The following SLC17A3 variants were observed in gnomAD, a reference collection of about 807,000 sequenced individuals.
SLC17A3 encodes the protein sodium-dependent phosphate transport protein 4.
SLC17A3 carries 61 observed loss-of-function variants against 60.3 expected under a neutral mutation model. The observed-to-expected ratio is 1.01, with a 90% confidence interval of 0.82 to 1.25. The LOEUF is 1.25. SLC17A3 is among the 50% of genes most tolerant of loss of function. The probability of loss-of-function intolerance (pLI) is 0.00; values close to 1 mark genes in which losing one functional copy is unlikely to be tolerated. For missense variants in SLC17A3, 624 were observed against 594.9 expected, an observed-to-expected ratio of 1.05 and a Z score of -0.51; for synonymous variants, 192 against 208.9, an observed-to-expected ratio of 0.92 and a Z score of 0.70.
chr6:25,856,573 C>A (rs994028836), intron 5 of SLC17A3, among the ~76,000 whole-genome samples: 1 of 152,134 alleles, frequency 6.6e-6, no homozygotes, highest in Non-Finnish European at 1.5e-5. Flanking sequence ...TCTGGCCGGG[C>A]GCAGTGGCTC....
intron 5 of SLC17A3, among the ~76,000 whole-genome samples, chr6:25,858,447 G>A (rs1357649423): frequency 6.6e-6 from 1 of 152,060 alleles, no homozygotes; most frequent in Non-Finnish European, 1.5e-5. Flanking sequence ...TGGTACAGTT[G>A]GCCTCTGACT....
At chr6:25,868,721 A>G (rs1044129892) in intron 1 of SLC17A3, among the ~76,000 whole-genome samples, 1 of 151,960 alleles carries the variant, frequency 6.6e-6, no homozygotes, top group African/African-American at 2.4e-5. Flanking sequence ...TGCCACTAGG[A>G]GCACATTTGT....
intron 1 of SLC17A3, among the ~76,000 whole-genome samples, chr6:25,873,099 G>A (rs1033337645): frequency 6.6e-6 from 1 of 151,964 alleles, no homozygotes; most frequent in African/African-American, 2.4e-5. Context: ...TATAACTAGA[G>A]GAAAGAGAAG....
intron 5 of SLC17A3, among the ~76,000 whole-genome samples, chr6:25,860,293 C>T (rs1222129557): frequency 1.4e-5 from 2 of 141,356 alleles, no homozygotes; most frequent in Non-Finnish European, 3.1e-5. Context: ...TTCTAGGCTC[C>T]CTTAGAAGAC....
At chr6:25,856,257 G>T (rs1765354958) in intron 5 of SLC17A3, among the ~76,000 whole-genome samples, 1 of 152,064 alleles carries the variant, frequency 6.6e-6, no homozygotes, top group African/African-American at 2.4e-5. Flanking sequence ...TTGAGACAGA[G>T]TCTTGCTCTG....
chr6:25,864,772 G>A (rs943442369), intron 2 of SLC17A3, among the ~76,000 whole-genome samples: 1 of 151,990 alleles, frequency 6.6e-6, no homozygotes, highest in Non-Finnish European at 1.5e-5. Context: ...AGTAGGAGTT[G>A]AGGCATAACA....
At chr6:25,859,131 T>C (rs1214500291) in intron 5 of SLC17A3, among the ~76,000 whole-genome samples, 1 of 152,188 alleles carries the variant, frequency 6.6e-6, no homozygotes, top group African/African-American at 2.4e-5. Context: ...TTGAGAGATA[T>C]GGATAGATGA....
intron 2 of SLC17A3, among the ~76,000 whole-genome samples, chr6:25,864,590 C>G (rs13211947): frequency 6.6e-6 from 1 of 151,320 alleles, no homozygotes; most frequent in Non-Finnish European, 1.5e-5. Flanking sequence ...TTCTAAACAA[C>G]AAGAAGAATG....
intron 2 of SLC17A3, among the ~76,000 whole-genome samples, chr6:25,864,079 C>G (rs1765495978): frequency 6.6e-6 from 1 of 151,932 alleles, no homozygotes; most frequent in African/African-American, 2.4e-5. Context: ...TCATGCTGAC[C>G]TCTGGGGAAA....
intron 6 of SLC17A3, among the ~76,000 whole-genome samples, chr6:25,853,613 T>C (rs1369570804): frequency 6.6e-6 from 1 of 151,738 alleles, no homozygotes; most frequent in African/African-American, 2.4e-5. Context: ...ACAGAAGGAG[T>C]TTCACCGTGT....
At position 25,845,418 on chromosome 6, in the gene SLC17A3, T is replaced by G; in HGVS notation, c.1461A>C (p.Gln487His). The stretch of plus-strand genomic sequence containing the variant: ...TGAGTTTTCTCTCTTTAGCCCATTC[T>G]TGGACATCTGCTTCTCCAAATATGA... ...FYLIFGEADV[Q>H]EWAKERKLTR... Residue 487 changes from glutamine (Q) to histidine (H), a missense_variant, in exon 12 of 13, where the codon CAA (glutamine) becomes CAC (histidine). By Grantham distance (24) the Gln-to-His change is conservative. Coordinates refer to ENST00000397060, the MANE Select transcript of SLC17A3 (RefSeq NM_001098486.2). 2 of 1,614,070 alleles carry G rather than the reference T, an allele frequency of 1.2e-6. No homozygotes were observed. Among genetic ancestry groups the G allele is most frequent in the South Asian group, 2.2e-5 (2 of 91,084 alleles).
chr6:25,850,927 G>T, intron 6 of SLC17A3, 50 bp from the exon 7 acceptor site: 1 of 1,327,760 alleles, frequency 7.5e-7, no homozygotes, highest in Non-Finnish European at 1.1e-6. Flanking sequence ...TGCTTTTTGG[G>T]TGAACTTCTT....
chr6:25,872,823 C>A (rs966951515), intron 1 of SLC17A3, among the ~76,000 whole-genome samples: 1 of 151,892 alleles, frequency 6.6e-6, no homozygotes, highest in Admixed American at 6.6e-5. Flanking sequence ...GATTCCATAC[C>A]GATCTTCCCA....
chr6:25,855,018 G>A (rs1765335871), intron 6 of SLC17A3, 126 bp downstream of exon 6: 1 of 719,944 alleles, frequency 1.4e-6, no homozygotes, highest in Non-Finnish European at 2.5e-6. Flanking sequence ...CTTAGATTAA[G>A]ATATTTGGTT....
intron 11 of SLC17A3, among the ~76,000 whole-genome samples, chr6:25,846,192 T>G (rs911897826): frequency 6.6e-6 from 1 of 152,204 alleles, no homozygotes; most frequent in African/African-American, 2.4e-5. Flanking sequence ...TTATCACTAT[T>G]TGAAATAGAT....
chr6:25,859,761 A>G (rs756134614), intron 5 of SLC17A3, among the ~76,000 whole-genome samples: 4 of 152,166 alleles, frequency 2.6e-5, no homozygotes, highest in Non-Finnish European at 5.9e-5. Context: ...AAAGACAGAG[A>G]AAGGATGTTT....
At position 25,849,944 on chromosome 6, in the gene SLC17A3, G is replaced by T; in HGVS notation, c.1132C>A (p.Pro378Thr). Residue 378 changes from proline to threonine, a missense_variant, in exon 10 of 13, where the codon CCC becomes ACC. Coordinates refer to ENST00000397060, the MANE Select transcript of SLC17A3 (RefSeq NM_001098486.2). Reference sequence around the variant, plus strand: ...AGAGACACAATGAGTGCTGAAGAGGGGAGACTTCCTAGGAAATGAAGAAGA... The same window carrying T: ...AGAGACACAATGAGTGCTGAAGAGGTGAGACTTCCTAGGAAATGAAGAAGA... Reference protein sequence around the residue: ...RKIATILGSLPSSALIVSLPY... With the variant: ...RKIATILGSLTSSALIVSLPY... The T allele has an allele frequency of 6.2e-7, 1 of 1,613,980 alleles. No homozygotes were observed. Among genetic ancestry groups the T allele is most frequent in the Non-Finnish European group, 8.5e-7 (1 of 1,179,864 alleles).
chr6:25,849,723 C>G, intron 10 of SLC17A3, 82 bp downstream of exon 10: 1 of 1,495,974 alleles, frequency 6.7e-7, no homozygotes, highest in East Asian at 2.3e-5. Flanking sequence ...TTATTCATTT[C>G]CTAAGTTTGG....
chr6:25,868,665 A>C (rs1206579266), intron 1 of SLC17A3, among the ~76,000 whole-genome samples: 1 of 151,900 alleles, frequency 6.6e-6, no homozygotes, highest in Non-Finnish European at 1.5e-5. Flanking sequence ...CTTTGGAGTT[A>C]AGCATTCCCA....
Sources: gnomAD v4.1 joint callset for allele counts (sites outside exome capture counted in the v4.1 genomes callset) on GRCh38, gnomAD v4.1.1 for gene constraint, MANE v1.5 for transcripts, NCBI Gene and HGNC (gene_info 2026-07-23, HGNC 2026-07-21) for gene names.